The following ZC3HAV1 variants were observed in gnomAD, a reference collection of about 807,000 sequenced individuals.
The protein encoded by ZC3HAV1 is zinc finger CCCH-type antiviral protein 1.
ZC3HAV1 carries 41 observed loss-of-function variants against 86.6 expected under a neutral mutation model. That is an observed-to-expected ratio of 0.47 (90% confidence interval 0.37 to 0.61). The LOEUF is 0.61. ZC3HAV1 is among the 20% of genes least tolerant of loss of function. The pLI is 0.00. For missense variants in ZC3HAV1, 964 were observed against 1,141.1 expected (o/e 0.84, Z 2.24); for synonymous variants, 421 against 432.1 (o/e 0.97, Z 0.32).
intron 7 of ZC3HAV1, among the ~76,000 whole-genome samples, chr7:139,070,861 A>G (rs1318333719): frequency 6.6e-6 from 1 of 151,890 alleles, no homozygotes; most frequent in Admixed American, 6.6e-5. Context: ...GGATGCCTGT[A>G]ATCCCAGCTA....
chr7:139,098,406 A>G (rs951260316), intron 1 of ZC3HAV1, among the ~76,000 whole-genome samples: 3 of 152,358 alleles, frequency 2.0e-5, no homozygotes, highest in Admixed American at 1.3e-4. Flanking sequence ...TGCTCAAAAC[A>G]TTCTCTGCTG....
chr7:139,073,240 A>C (rs910755226), intron 7 of ZC3HAV1, among the ~76,000 whole-genome samples: 2 of 152,144 alleles, frequency 1.3e-5, no homozygotes, highest in African/African-American at 4.8e-5. Flanking sequence ...TGGAGGTTGC[A>C]GTGAGCCAAG....
chr7:139,097,420 A>ATTTTTTTTTTTTTTTT (rs1563140627), intron 1 of ZC3HAV1, among the ~76,000 whole-genome samples: 2 of 79,170 alleles, frequency 2.5e-5, no homozygotes, highest in Non-Finnish European at 4.3e-5. Context: ...ATATATATAT[A>ATTTTTTTTTTTTTTTT]TATATATATT....
chr7:139,106,930 G>A lies in ZC3HAV1; in HGVS notation c.308+2094C>T, dbSNP rs117832559. 4.7e-3 allele frequency among the ~76,000 whole-genome samples: 693 copies of A among 148,070 alleles called. 3 individuals are homozygous for A. The highest frequency in any genetic ancestry group is 7.9e-3 in the Non-Finnish European group (524 of 66,142). On this transcript the variant is annotated intron_variant, in intron 1 of 12. Coordinates refer to ENST00000242351, the MANE Select transcript of ZC3HAV1 (RefSeq NM_020119.4). ...CAAAACTGGCCATATTTTCAAAACT[G>A]TTGAAATGATGGGTACAAGGGGCTT... is the stretch of plus-strand genomic sequence containing the variant.
intron 9 of ZC3HAV1, among the ~76,000 whole-genome samples, chr7:139,059,100 A>G (rs930851435): frequency 3.9e-5 from 6 of 152,212 alleles, no homozygotes; most frequent in African/African-American, 1.4e-4. Context: ...TAACGATTGT[A>G]ACGAATGGAA....
At chr7:139,072,933 C>T (rs538359510) in intron 7 of ZC3HAV1, among the ~76,000 whole-genome samples, 1 of 152,254 alleles carries the variant, frequency 6.6e-6, no homozygotes, top group African/African-American at 2.4e-5. Flanking sequence ...TCTCAAGGTT[C>T]CACCCTCCCC....
rs147897461 is a variant in ZC3HAV1 at position 139,051,503 on chromosome 7, C to T, written c.2449+1948G>A. On this transcript the variant is annotated intron_variant, in intron 12 of 12. Coordinates refer to ENST00000242351, the MANE Select transcript of ZC3HAV1 (RefSeq NM_020119.4). ...CTCACTGCAGCCTCAAACTTCTGGG[C>T]TCAAGCAATTCTCCCACCTCACCCT... Among the ~76,000 whole-genome samples the T allele has an allele frequency of 9.3e-5, 14 of 151,338 alleles. No individual in the cohort carries two copies. In the East Asian group the frequency reaches 2.5e-3, roughly 27 times the overall value.
At chr7:139,097,428 A>ATATATATATATATATTTTTTTTTTTT in intron 1 of ZC3HAV1, among the ~76,000 whole-genome samples, 2 of 48,160 alleles carry the variant, frequency 4.2e-5, no homozygotes, top group African/African-American at 2.3e-4. Context: ...ATATATATAT[A>ATATATATATATATATTTTTTTTTTTT]TTTTTTTTTT....
chr7:139,077,302 G>A (rs56052350), intron 5 of ZC3HAV1, among the ~76,000 whole-genome samples: 15,429 of 152,248 alleles, frequency 0.1, 1,185 homozygotes, highest in African/African-American at 0.21. Flanking sequence ...GGAGTGCAAT[G>A]GCGCAGTCTT....
chr7:139,054,062 C>T lies in ZC3HAV1; in HGVS notation c.2221G>A (p.Val741Ile). 2 of 1,599,370 alleles carry T rather than the reference C, an allele frequency of 1.3e-6. No homozygotes were observed. The highest frequency in any genetic ancestry group is 1.7e-6 in the Non-Finnish European group (2 of 1,176,198). ...GCTTTAAAATGCTCACTTACTCTGACATATTCTGGATGTAGGTGATGGATC... is the reference window on the plus strand; with the variant it reads ...GCTTTAAAATGCTCACTTACTCTGATATATTCTGGATGTAGGTGATGGATC... ...SEIHHLHPEY[V>I]RVSEHFKASM... The change falls in exon 11 of 13, where the codon GTC becomes ATC. Residue 741 changes from valine (V) to isoleucine (I), a missense_variant. Transcript: ENST00000242351.
In ZC3HAV1 at chr7:139,045,243, GAA is replaced by G. The variant is rs1245164896; in HGVS notation, c.*2349_*2350del. On this transcript the variant is annotated 3_prime_UTR_variant, in exon 13 of 13. Transcript: ENST00000242351. Reference sequence around the variant, plus strand: ...TTTGTCGTTTAGAAAAAAAAAGGCAGAAATGCCCATTGAAAACCACTGAACTA... The same window carrying G: ...TTTGTCGTTTAGAAAAAAAAAGGCAGATGCCCATTGAAAACCACTGAACTA... 1 of 152,098 alleles carries G rather than the reference GAA, an allele frequency of 6.6e-6. No individual in the cohort carries two copies. Among genetic ancestry groups the G allele is most frequent in the Non-Finnish European group, 1.5e-5 (1 of 68,018 alleles). 9.4% of individuals were successfully genotyped at this position (152,098 alleles called of 1,614,324 possible). A position where few individuals can be genotyped will look rare whatever the true frequency, so the allele number is the denominator to read the frequency against.
At chr7:139,076,247 G>A (rs1218264249) in intron 6 of ZC3HAV1, 39 bp downstream of exon 6, 3 of 1,613,694 alleles carry the variant, frequency 1.9e-6, no homozygotes, top group Non-Finnish European at 1.7e-6. Flanking sequence ...CTTTGATAAT[G>A]TTGGACTCTT....
chr7:139,080,658 A>C (rs1007414990), intron 3 of ZC3HAV1, among the ~76,000 whole-genome samples: 4 of 152,176 alleles, frequency 2.6e-5, no homozygotes, highest in African/African-American at 9.7e-5. Context: ...CTAGGATGAC[A>C]GTGAGGATCA....
At chr7:139,073,703 C>T (rs111321250) in intron 7 of ZC3HAV1, among the ~76,000 whole-genome samples, 153 bp downstream of exon 7, 7,658 of 152,238 alleles carry the variant, frequency 0.05, 216 homozygotes, top group Admixed American at 0.063. Flanking sequence ...GTTGGCCAGG[C>T]TGGTCTCGAA....
chr7:139,096,762 A>G (rs1196932761), intron 1 of ZC3HAV1, among the ~76,000 whole-genome samples: 1 of 152,212 alleles, frequency 6.6e-6, no homozygotes, highest in Non-Finnish European at 1.5e-5. Context: ...TCTTCCAGGA[A>G]GTGTACCCCC....
At position 139,047,584 on chromosome 7, in the gene ZC3HAV1, T is replaced by A. The variant is rs200956642; in HGVS notation, c.*10A>T. On this transcript the variant is annotated 3_prime_UTR_variant, in exon 13 of 13. Coordinates refer to ENST00000242351, the MANE Select transcript of ZC3HAV1 (RefSeq NM_020119.4). ...GTTATGGCATCCTTCTGACGCTGTATTCATCGGTTCTAACTAATCACGCAG... is the reference window on the plus strand; with the variant it reads ...GTTATGGCATCCTTCTGACGCTGTAATCATCGGTTCTAACTAATCACGCAG... The A allele has an allele frequency of 1.7e-4, 276 of 1,613,968 alleles. 1 individual carries two copies. The highest frequency in any genetic ancestry group is 8.3e-4 in the Admixed American group (50 of 59,936).
chr7:139,097,435 T>TTC (rs1817636803), intron 1 of ZC3HAV1, among the ~76,000 whole-genome samples: 1 of 121,050 alleles, frequency 8.3e-6, no homozygotes, highest in African/African-American at 3.5e-5. Context: ...TATATTTTTT[T>TTC]TTTTTTTTTT....
At chr7:139,077,000 A>AC (rs570965405) in intron 5 of ZC3HAV1, among the ~76,000 whole-genome samples, 4 of 135,828 alleles carry the variant, frequency 2.9e-5, no homozygotes, top group South Asian at 2.2e-4. Flanking sequence ...CCCTTTCTGC[A>AC]CCCCCCCAAG....
intron 10 of ZC3HAV1, 29 bp downstream of exon 10, chr7:139,055,176 T>G: frequency 6.3e-7 from 1 of 1,578,428 alleles, no homozygotes; most frequent in East Asian, 2.2e-5. Context: ...TTTAACAGAC[T>G]CATCCACCAA....
Sources: gnomAD v4.1 joint callset for allele counts (sites outside exome capture counted in the v4.1 genomes callset) on GRCh38, gnomAD v4.1.1 for gene constraint, MANE v1.5 for transcripts, NCBI Gene and HGNC (gene_info 2026-07-23, HGNC 2026-07-21) for gene names.